Variants in PIEZO1 observed in about 807,000 individuals in gnomAD.
The protein encoded by PIEZO1 is piezo type mechanosensitive ion channel component 1 (Er blood group).
In PIEZO1, 296 loss-of-function variants were observed where a neutral mutation model predicts 297.2. The observed-to-expected ratio is 1.00, with a 90% CI of 0.91 to 1.10. PIEZO1 has a LOEUF of 1.10. Ranked by LOEUF, PIEZO1 falls within the 50% of genes least tolerant of loss-of-function variation. PIEZO1 has a pLI of 0.00. For missense variants in PIEZO1, 5,018 were observed against 3,455.5 expected (o/e 1.45, Z -11.34); for synonymous variants, 2,427 against 1,507.5 (o/e 1.61, Z -14.13).
rs1217700127 is a variant in PIEZO1 at position 88,715,607 on chromosome 16, A to ACTC, written c.7561_7563dup (p.Glu2521dup). The ACTC allele has an allele frequency of 6.5e-7, 1 of 1,548,642 alleles. No individual in the cohort carries two copies. The highest frequency in any genetic ancestry group is 1.4e-5 in the African/African-American group (1 of 72,692). ...CTCTCGGGCGCCAGCAGCAGCTCCT[A>ACTC]CTCCTTCTCACGAGTCCACTTGATC... On this transcript the variant is annotated inframe_insertion, in exon 51 of 51. Coordinates refer to ENST00000301015, the MANE Select transcript of PIEZO1 (RefSeq NM_001142864.4).
At chr16:88,765,743 C>T (rs964834474) in intron 1 of PIEZO1, among the ~76,000 whole-genome samples, 17 of 150,696 alleles carry the variant, frequency 1.1e-4, no homozygotes, top group African/African-American at 3.9e-4. Flanking sequence ...GGCACAATCT[C>T]GCGCACTACA....
At chr16:88,741,702 G>A in intron 4 of PIEZO1, 86 bp from the exon 5 acceptor site, 1 of 1,032,788 alleles carries the variant, frequency 9.7e-7, no homozygotes, top group Non-Finnish European at 1.4e-6. Flanking sequence ...GCGGGTGGGA[G>A]TGTGGATGGG....
intron 1 of PIEZO1, among the ~76,000 whole-genome samples, chr16:88,779,392 G>C (rs1300085290): frequency 6.6e-6 from 1 of 152,128 alleles, no homozygotes; most frequent in Non-Finnish European, 1.5e-5. Context: ...GGCACTGATC[G>C]CACTTTTCTT....
intron 3 of PIEZO1, 38 bp downstream of exon 3, chr16:88,742,262 A>C: frequency 3.9e-6 from 6 of 1,520,370 alleles, no homozygotes; most frequent in Non-Finnish European, 5.3e-6. Flanking sequence ...CCTGACCCCC[A>C]GGATGGCTAT....
intron 1 of PIEZO1, among the ~76,000 whole-genome samples, chr16:88,755,075 C>CT (rs1201394755): frequency 1.8e-4 from 27 of 152,154 alleles, no homozygotes; most frequent in African/African-American, 6.3e-4. Context: ...ACGTCACCGC[C>CT]GCCCCCAGTG....
At chr16:88,743,513 AG>A (rs1283228335) in intron 2 of PIEZO1, 5 of 455,954 alleles carry the variant, frequency 1.1e-5, no homozygotes, top group South Asian at 7.7e-5. Context: ...TCTGGGTCCA[AG>A]GTGGTGAATG....
At chr16:88,731,954 G>GGGGATGGCGGGGCGT in intron 21 of PIEZO1, 44 bp from the exon 22 acceptor site, 1 of 325,110 alleles carries the variant, frequency 3.1e-6, no homozygotes. Context: ...ACTGAGTCTG[G>GGGGATGGCGGGGCGT]GGGGAGGGAC....
Position 88,737,757 on chromosome 16 carries a change from G to C in PIEZO1, c.1078C>G (p.Gln360Glu). Reference protein sequence around the residue: ...ARELELAELDQWPQERESDQH... With the variant: ...ARELELAELDEWPQERESDQH... ...TCAGACTCCCGTTCCTGGGGCCACTGGTCCAGCTCTGCTAGCTCCAGCTCC... is the reference window on the plus strand; with the variant it reads ...TCAGACTCCCGTTCCTGGGGCCACTCGTCCAGCTCTGCTAGCTCCAGCTCC... Residue 360 changes from glutamine (Q) to glutamate (E), a missense_variant, in exon 9 of 51, where the codon CAG becomes GAG. Transcript: ENST00000301015. The C allele has an allele frequency of 6.5e-7, 1 of 1,535,760 alleles. No homozygotes were observed. The highest frequency in any genetic ancestry group is 1.2e-5 in the South Asian group (1 of 84,062).
intron 22 of PIEZO1, among the ~76,000 whole-genome samples, chr16:88,730,649 TTCAAACTCCTGGCC>T (rs1206274180): frequency 1.3e-5 from 2 of 150,090 alleles, no homozygotes; most frequent in Non-Finnish European, 3.0e-5. Context: ...CCAGAGTGGT[TTCAAACTCCTGGCC>T]TCAAGGGATG....
chr16:88,764,309 T>C (rs1907068066), intron 1 of PIEZO1, among the ~76,000 whole-genome samples: 1 of 152,128 alleles, frequency 6.6e-6, no homozygotes, highest in Non-Finnish European at 1.5e-5. Flanking sequence ...ATATAACCCA[T>C]TCTCCAGAGC....
chr16:88,742,499 A>G, intron 2 of PIEZO1, 77 bp from the exon 3 acceptor site: 1 of 1,455,566 alleles, frequency 6.9e-7, no homozygotes, highest in Non-Finnish European at 9.2e-7. Context: ...GCCGGACAAT[A>G]GCCCCCAGCC....
chr16:88,760,571 G>A (rs1474198196), intron 1 of PIEZO1, among the ~76,000 whole-genome samples: 1 of 152,160 alleles, frequency 6.6e-6, no homozygotes, highest in East Asian at 1.9e-4. Context: ...GGGATCCGAG[G>A]GGAACGACCC....
chr16:88,772,312 G>T (rs1231518763), intron 1 of PIEZO1, among the ~76,000 whole-genome samples: 1 of 152,222 alleles, frequency 6.6e-6, no homozygotes, highest in African/African-American at 2.4e-5. Flanking sequence ...GCCGGGGGTT[G>T]GGACAGGTAA....
At chr16:88,746,579 G>T (rs1281870400) in intron 2 of PIEZO1, among the ~76,000 whole-genome samples, 3 of 152,168 alleles carry the variant, frequency 2.0e-5, no homozygotes, top group Non-Finnish European at 2.9e-5. Context: ...CTTCCACCAG[G>T]GCCACGCCAA....
Position 88,763,195 on chromosome 16 carries a change from C to CTCCTGGCGGCGCAGGGCT in PIEZO1, c.65-13717_65-13716insAGCCCTGCGCCGCCAGGA, listed in dbSNP as rs1907009669. Reference sequence around the variant, plus strand: ...CGGAGATAGGGATGAGACGCAGGGCCGGCTCCTGGCGGCTCAGGGCACTTA... The same window carrying CTCCTGGCGGCGCAGGGCT: ...CGGAGATAGGGATGAGACGCAGGGCCTCCTGGCGGCGCAGGGCTGGCTCCTGGCGGCTCAGGGCACTTA... On this transcript the variant is annotated intron_variant, in intron 1 of 50. Coordinates refer to ENST00000301015, the MANE Select transcript of PIEZO1 (RefSeq NM_001142864.4). Among the ~76,000 whole-genome samples the CTCCTGGCGGCGCAGGGCT allele has an allele frequency of 3.3e-5, 5 of 152,166 alleles. No homozygotes were observed. The South Asian group carries it at 1.0e-3, about 32-fold the overall frequency.
Position 88,723,912 on chromosome 16 carries a change from C to T in PIEZO1, c.4294G>A (p.Val1432Ile). ...ESDSEEEEEA[V>I]PEDPRPSAQS... ...GCCGACGGCCTCGGGTCTTCAGGAA[C>T]AGCCTCCTCCTCTTCCTCACTGTCG... is the stretch of plus-strand genomic sequence containing the variant. Residue 1432 changes from valine (V) to isoleucine (I), a missense_variant, in exon 31 of 51, where the codon GTT becomes ATT. Transcript: ENST00000301015. 1 of 1,549,548 alleles carries T rather than the reference C, an allele frequency of 6.5e-7. No homozygotes were observed. Among genetic ancestry groups the T allele is most frequent in the Admixed American group, 2.0e-5 (1 of 51,012 alleles).
chr16:88,719,761 T>G (rs752338911), intron 43 of PIEZO1, 40 bp from the exon 44 acceptor site: 14 of 1,550,110 alleles, frequency 9.0e-6, no homozygotes, highest in Non-Finnish European at 1.1e-5. Flanking sequence ...GGCTCCCTCA[T>G]GCCCGGGCCG....
intron 1 of PIEZO1, among the ~76,000 whole-genome samples, chr16:88,755,025 T>C (rs1906583297): frequency 6.6e-6 from 1 of 152,100 alleles, no homozygotes; most frequent in South Asian, 2.1e-4. Context: ...AACCAGAGGG[T>C]GGACACACCT....
chr16:88,723,757 G>T, intron 31 of PIEZO1, 114 bp downstream of exon 31: 1 of 642,192 alleles, frequency 1.6e-6, no homozygotes, highest in Non-Finnish European at 2.8e-6. Flanking sequence ...CTAACTGGAG[G>T]TGGAGGAGCT....
Sources: allele counts gnomAD v4.1 joint callset (sites outside exome capture counted in the v4.1 genomes callset), GRCh38; gene constraint gnomAD v4.1.1; transcripts MANE v1.5; gene names NCBI Gene and HGNC (gene_info 2026-07-23, HGNC 2026-07-21).